The following ADCY3 variants were observed in gnomAD, a reference collection of about 807,000 sequenced individuals.
ADCY3 encodes the protein adenylate cyclase type 3.
In ADCY3, 70 loss-of-function variants were observed where a neutral mutation model predicts 119.4. The observed-to-expected ratio is 0.59, with a 90% CI of 0.48 to 0.72. ADCY3 has a LOEUF of 0.72. ADCY3 is among the 30% of genes least tolerant of loss of function. The pLI is 0.00. For missense variants in ADCY3, 1,238 were observed against 1,541.6 expected, an observed-to-expected ratio of 0.80 and a Z score of 3.30; for synonymous variants, 672 against 621.4, an observed-to-expected ratio of 1.08 and a Z score of -1.21.
intron 7 of ADCY3, among the ~76,000 whole-genome samples, chr2:24,839,671 C>T (rs1207560309): frequency 6.6e-6 from 1 of 152,166 alleles, no homozygotes; most frequent in South Asian, 2.1e-4. Flanking sequence ...AATATCAGGC[C>T]CAAAGAGGCC....
chr2:24,852,078 T>TA (rs1672363036), intron 3 of ADCY3, among the ~76,000 whole-genome samples: 1 of 152,106 alleles, frequency 6.6e-6, no homozygotes, highest in Non-Finnish European at 1.5e-5. Context: ...TGTAACATAG[T>TA]AAGGCCCTGA....
At chr2:24,831,239 A>AC (rs895809825) in intron 12 of ADCY3, among the ~76,000 whole-genome samples, 4 of 151,732 alleles carry the variant, frequency 2.6e-5, no homozygotes, top group Non-Finnish European at 5.9e-5. Flanking sequence ...TTAAAAAAAA[A>AC]AAAAACTCTG....
intron 13 of ADCY3, among the ~76,000 whole-genome samples, 200 bp downstream of exon 13, chr2:24,830,509 G>A (rs780751001): frequency 1.3e-5 from 2 of 152,188 alleles, no homozygotes; most frequent in Non-Finnish European, 2.9e-5. Flanking sequence ...AAGGAAACAA[G>A]TCCATCCCAG....
At chr2:24,849,898 G>C (rs970113061) in intron 3 of ADCY3, among the ~76,000 whole-genome samples, 1 of 152,096 alleles carries the variant, frequency 6.6e-6, no homozygotes, top group Admixed American at 6.5e-5. Context: ...CCTTTGGCAC[G>C]GTATCTGGAT....
intron 3 of ADCY3, among the ~76,000 whole-genome samples, chr2:24,854,689 C>A (rs960217646): frequency 3.9e-5 from 6 of 152,124 alleles, no homozygotes; most frequent in Non-Finnish European, 5.9e-5. Flanking sequence ...ATGGGAGAGA[C>A]ACAATGTACC....
In ADCY3 at chr2:24,877,276, G is replaced by T. The variant is rs73923458; in HGVS notation, c.676-4557C>A. Among the ~76,000 whole-genome samples, 1,388 of 152,300 alleles carry T rather than the reference G, an allele frequency of 9.1e-3. 17 individuals carry two copies. Among genetic ancestry groups the T allele is most frequent in the African/African-American group, 0.031 (1,295 of 41,566 alleles). ...TGTGGGTTACGACTCTACACTCACA[G>T]ACTCACCACCCACCCCTCCCCCCTT... On this transcript the variant is annotated intron_variant, in intron 2 of 21. Transcript: ENST00000679454.
chr2:24,914,600 GGGA>G (rs948302620), intron 2 of ADCY3, among the ~76,000 whole-genome samples: 47 of 151,870 alleles, frequency 3.1e-4, no homozygotes, highest in African/African-American at 1.1e-3. Flanking sequence ...ACTTGAACCC[GGGA>G]GGAGGAGGTT....
At chr2:24,874,889 T>C (rs1241724657) in intron 2 of ADCY3, among the ~76,000 whole-genome samples, 1 of 152,220 alleles carries the variant, frequency 6.6e-6, no homozygotes, top group African/African-American at 2.4e-5. Context: ...AGAAATACTG[T>C]CCTACATAGG....
rs959079045 is a variant in ADCY3 at position 24,836,973 on chromosome 2, C to T, written c.1606G>A (p.Gly536Arg). 12 of 1,613,896 alleles carry T rather than the reference C, an allele frequency of 7.4e-6. No homozygotes were observed. The highest frequency in any genetic ancestry group is 2.2e-5 in the South Asian group (2 of 91,072). Residue 536 changes from glycine (G) to arginine (R), a missense_variant, in exon 9 of 22, where the codon GGG (glycine) becomes AGG (arginine). Transcript: ENST00000679454. ...GTGGACCCACTGCTGTGGGCACTCC[C>T]GTTGGGCTCCTTGGTCTCAATGAGG... ...PALIETKEPNGSAHSSGSTSE... is the reference protein window; with the variant it reads ...PALIETKEPNRSAHSSGSTSE...
chr2:24,907,062 C>T (rs768336427), intron 2 of ADCY3, among the ~76,000 whole-genome samples: 1 of 152,066 alleles, frequency 6.6e-6, no homozygotes, highest in Non-Finnish European at 1.5e-5. Flanking sequence ...ACCCAGGAGG[C>T]GGAGGTTACA....
At chr2:24,897,693 C>T (rs879885788) in intron 2 of ADCY3, among the ~76,000 whole-genome samples, 2 of 152,164 alleles carry the variant, frequency 1.3e-5, no homozygotes, top group Admixed American at 1.3e-4. Flanking sequence ...GTGTTGAAAT[C>T]TTCACACTCA....
chr2:24,880,026 C>T (rs1330284749), intron 2 of ADCY3, among the ~76,000 whole-genome samples: 2 of 152,210 alleles, frequency 1.3e-5, no homozygotes, highest in Non-Finnish European at 2.9e-5. Context: ...TTAATCAATA[C>T]AACACGAGGC....
chr2:24,820,714 C>T lies in ADCY3; in HGVS notation c.3252+10G>A. ...GTCTGAGCACGTGCCAGCTGTGCCA[C>T]TGGACATACCTGAATGTTGCCCATG... On this transcript the variant is annotated intron_variant, in intron 21 of 21. Transcript: ENST00000679454. 1 of 1,613,928 alleles carries T rather than the reference C, an allele frequency of 6.2e-7. No homozygotes were observed. The highest frequency in any genetic ancestry group is 1.7e-5 in the Admixed American group (1 of 60,008).
chr2:24,837,888 A>G (rs1670496386), intron 8 of ADCY3, among the ~76,000 whole-genome samples: 1 of 152,094 alleles, frequency 6.6e-6, no homozygotes, highest in Non-Finnish European at 1.5e-5. Flanking sequence ...AAGCTTGTTC[A>G]ACCCACAGTA....
At chr2:24,835,273 G>C (rs1449104810) in intron 9 of ADCY3, among the ~76,000 whole-genome samples, 2 of 152,210 alleles carry the variant, frequency 1.3e-5, no homozygotes, top group Non-Finnish European at 2.9e-5. Context: ...GGCTGAGGCA[G>C]TCCTGGCACT....
At chr2:24,827,702 G>A (rs1425300011) in intron 14 of ADCY3, 94 bp from the exon 15 acceptor site, 1 of 1,442,352 alleles carries the variant, frequency 6.9e-7, no homozygotes, top group Non-Finnish European at 9.5e-7. Flanking sequence ...CTCCACTCGG[G>A]GAGAATGGGA....
chr2:24,839,051 TC>T, intron 7 of ADCY3: 1 of 415,628 alleles, frequency 2.4e-6, no homozygotes, highest in East Asian at 7.1e-5. Context: ...CAAGCAATTC[TC>T]CTGCCTCAGC....
intron 2 of ADCY3, among the ~76,000 whole-genome samples, chr2:24,913,298 A>C (rs2149068621): frequency 6.8e-6 from 1 of 147,082 alleles, no homozygotes; most frequent in Middle Eastern, 3.4e-3. Flanking sequence ...GCCCACAGGG[A>C]ACATCGTCAT....
At chr2:24,856,205 T>C (rs979612342) in intron 3 of ADCY3, among the ~76,000 whole-genome samples, 1 of 152,072 alleles carries the variant, frequency 6.6e-6, no homozygotes, top group African/African-American at 2.4e-5. Context: ...GTCCATGCGT[T>C]AGCGCTTGCA....
Sources: gnomAD v4.1 joint callset for allele counts (sites outside exome capture counted in the v4.1 genomes callset) on GRCh38, gnomAD v4.1.1 for gene constraint, MANE v1.5 for transcripts, NCBI Gene and HGNC (gene_info 2026-07-23, HGNC 2026-07-21) for gene names.